Variants in ANKS1A observed in about 807,000 individuals in gnomAD.
ANKS1A encodes ankyrin repeat and SAM domain-containing protein 1A.
A neutral mutation model predicts 120.3 loss-of-function variants in ANKS1A; 55 were observed. That is an observed-to-expected ratio of 0.46 (90% CI 0.37 to 0.57). ANKS1A has a LOEUF of 0.57. Ranked by LOEUF, ANKS1A falls within the 20% of genes least tolerant of loss-of-function variation. The pLI, the probability that ANKS1A is intolerant of heterozygous loss-of-function variation, is 0.00. For synonymous variants in ANKS1A, 590 were observed against 604.7 expected, an observed-to-expected ratio of 0.98 and a Z score of 0.36; for missense variants, 1,123 against 1,480.3, an observed-to-expected ratio of 0.76 and a Z score of 3.96.
chr6:35,043,082 A>T (rs1276787636), intron 11 of ANKS1A, among the ~76,000 whole-genome samples: 1 of 152,176 alleles, frequency 6.6e-6, no homozygotes, highest in Non-Finnish European at 1.5e-5. Context: ...CAGGGTAGGT[A>T]GGAGGACTGT....
chr6:35,095,556 C>CAAA (rs34931330), downstream of ANKS1A, among the ~76,000 whole-genome samples: 5 of 55,258 alleles, frequency 9.0e-5, no homozygotes, highest in Non-Finnish European at 1.1e-4. Context: ...GACTGTGTCA[C>CAAA]AAAAAAAAAA....
chr6:34,967,123 C>G, intron 1 of ANKS1A, 116 bp from the exon 2 acceptor site: 1 of 911,958 alleles, frequency 1.1e-6, no homozygotes, highest in Non-Finnish European at 1.7e-6. Flanking sequence ...TTGGAAGTAA[C>G]TGGTCTGGTT....
At chr6:34,917,028 C>T (rs1276509598) in intron 1 of ANKS1A, among the ~76,000 whole-genome samples, 1 of 152,196 alleles carries the variant, frequency 6.6e-6, no homozygotes, top group Non-Finnish European at 1.5e-5. Flanking sequence ...GAGGGCCTCT[C>T]CCCTTTATTT....
At chr6:35,087,655 C>T (rs1216548839) in intron 23 of ANKS1A, among the ~76,000 whole-genome samples, 1 of 152,250 alleles carries the variant, frequency 6.6e-6, no homozygotes, top group Non-Finnish European at 1.5e-5. Context: ...ACTCTCATGG[C>T]TAGGCCCTTG....
At chr6:35,049,739 T>A (rs1775880573) in intron 11 of ANKS1A, among the ~76,000 whole-genome samples, 1 of 152,248 alleles carries the variant, frequency 6.6e-6, no homozygotes, top group African/African-American at 2.4e-5. Context: ...AAGTGATTCC[T>A]TTCCCATCCT....
intron 12 of ANKS1A, among the ~76,000 whole-genome samples, chr6:35,059,787 C>T (rs1006799155): frequency 2.0e-5 from 3 of 152,180 alleles, no homozygotes; most frequent in African/African-American, 7.2e-5. Context: ...ATCTTCAGCA[C>T]GCACGCTGAT....
chr6:35,049,595 G>T (rs1156476361), intron 11 of ANKS1A, among the ~76,000 whole-genome samples: 1 of 152,180 alleles, frequency 6.6e-6, no homozygotes, highest in Non-Finnish European at 1.5e-5. Flanking sequence ...TTTCCAACTG[G>T]CAGGGGGTCC....
intron 11 of ANKS1A, among the ~76,000 whole-genome samples, chr6:35,020,747 G>A (rs1382040341): frequency 2.0e-5 from 3 of 152,176 alleles, no homozygotes; most frequent in African/African-American, 4.8e-5. Flanking sequence ...GTGTGGGCTC[G>A]TAAGCCAGTG....
At chr6:35,051,725 A>C (rs1251508326) in intron 11 of ANKS1A, among the ~76,000 whole-genome samples, 1 of 152,248 alleles carries the variant, frequency 6.6e-6, no homozygotes, top group Non-Finnish European at 1.5e-5. Context: ...CGGAGAGGCA[A>C]CTGGGAGATG....
At chr6:34,934,835 C>T (rs1769171507) in intron 1 of ANKS1A, among the ~76,000 whole-genome samples, 1 of 152,200 alleles carries the variant, frequency 6.6e-6, no homozygotes, top group South Asian at 2.1e-4. Flanking sequence ...CCACCCCACC[C>T]CCAGCCTATT....
At chr6:34,895,774 GTCTT>G (rs1767038578) in intron 1 of ANKS1A, among the ~76,000 whole-genome samples, 14 of 114,728 alleles carry the variant, frequency 1.2e-4, no homozygotes, top group Admixed American at 4.3e-4. Context: ...TTTCAAGAAT[GTCTT>G]TCTTTTTTTT....
intron 1 of ANKS1A, among the ~76,000 whole-genome samples, chr6:34,902,777 C>T (rs12175621): frequency 0.08 from 11,797 of 147,052 alleles, 652 homozygotes; most frequent in East Asian, 0.33. Context: ...TACTCCACCC[C>T]GGGCGACAAA....
chr6:35,090,333 A>G lies in ANKS1A; in HGVS notation c.*1724A>G. 9 of 1,281,630 alleles carry G rather than the reference A, an allele frequency of 7.0e-6. No homozygotes were observed. Among genetic ancestry groups the G allele is most frequent in the South Asian group, 6.2e-5 (5 of 80,538 alleles). 79.4% of individuals were successfully genotyped at this position (1,281,630 alleles called of 1,614,324 possible). ...AGCATCCAGAGTAGACTGCGCTGCCACTGCGCACATGCTGGTGCCCGTCTT... is the reference window on the plus strand; with the variant it reads ...AGCATCCAGAGTAGACTGCGCTGCCGCTGCGCACATGCTGGTGCCCGTCTT... On this transcript the variant is annotated 3_prime_UTR_variant, in exon 24 of 24. Transcript: ENST00000360359.
At chr6:35,046,759 TGG>T (rs1159922136) in intron 11 of ANKS1A, among the ~76,000 whole-genome samples, 1 of 152,196 alleles carries the variant, frequency 6.6e-6, no homozygotes, top group Non-Finnish European at 1.5e-5. Context: ...TATAGTTATT[TGG>T]GGGTAGGGGG....
chr6:34,900,354 A>G (rs1231311774), intron 1 of ANKS1A, among the ~76,000 whole-genome samples: 6 of 152,174 alleles, frequency 3.9e-5, no homozygotes, highest in African/African-American at 1.2e-4. Context: ...TTAGGGATTT[A>G]TTTAAGTTTA....
chr6:35,088,542 C>T, intron 23 of ANKS1A, 64 bp from the exon 24 acceptor site: 4 of 1,597,452 alleles, frequency 2.5e-6, no homozygotes, highest in Non-Finnish European at 3.4e-6. Flanking sequence ...CTTTCCATTT[C>T]CTCCACCGTC....
intron 13 of ANKS1A, among the ~76,000 whole-genome samples, chr6:35,065,807 G>A (rs947178152): frequency 2.5e-4 from 38 of 152,238 alleles, no homozygotes; most frequent in Admixed American, 5.2e-4. Flanking sequence ...GCTGAGAAAG[G>A]AGCTGGCAAG....
At chr6:35,010,584 T>TCTA (rs1773711674) in intron 10 of ANKS1A, among the ~76,000 whole-genome samples, 1 of 152,202 alleles carries the variant, frequency 6.6e-6, no homozygotes, top group Non-Finnish European at 1.5e-5. Flanking sequence ...TAGGTGGCTG[T>TCTA]GAACCTGTCT....
In ANKS1A at chr6:35,085,784, A is replaced by G; in HGVS notation, c.3151A>G (p.Ile1051Val). 6.3e-7 allele frequency: 1 copy of G among 1,598,826 alleles called. No homozygotes were observed. The highest frequency in any genetic ancestry group is 8.5e-7 in the Non-Finnish European group (1 of 1,173,512). ...TVDVNLTYEI[I>V]LTLGQAFEVA... Reference sequence around the variant, plus strand: ...CTCCCAGAACCTGACCTACGAGATCATCCTGACGCTGGGGCAGGCCTTCGA... The same window carrying G: ...CTCCCAGAACCTGACCTACGAGATCGTCCTGACGCTGGGGCAGGCCTTCGA... Residue 1051 changes from isoleucine to valine, a missense_variant, in exon 22 of 24, where the codon ATC becomes GTC. Physicochemically the swap from Ile to Val is conservative, Grantham distance 29 (BLOSUM62 3). This residue lies in a region of ANKS1A where 904 missense variants were observed against 1,130.4 expected (regional missense o/e 0.80). Coordinates refer to ENST00000360359, the MANE Select transcript of ANKS1A (RefSeq NM_015245.3). The surrounding 1 kb of genome is among the most constrained non-coding windows in gnomAD (Gnocchi z 4.7).
Sources: gnomAD v4.1 joint callset for allele counts (sites outside exome capture counted in the v4.1 genomes callset) on GRCh38, gnomAD v4.1.1 for gene constraint, gnomAD v4.1.1 regional missense constraint, Gnocchi (gnomAD v3.1) non-coding constraint, MANE v1.5 for transcripts, NCBI Gene and HGNC (gene_info 2026-07-23, HGNC 2026-07-21) for gene names.